CHD6: variants seen among roughly 807,000 people sequenced by gnomAD.
The protein encoded by CHD6 is chromodomain helicase DNA binding protein 6.
In CHD6, 50 loss-of-function variants were observed where a neutral mutation model predicts 276.9. The observed-to-expected ratio is 0.18, with a 90% CI of 0.14 to 0.23. CHD6 has a LOEUF of 0.23. Ranked by LOEUF, CHD6 falls within the 10% of genes least tolerant of loss-of-function variation. CHD6 has a pLI of 1.00. For synonymous variants in CHD6, 1,173 were observed against 1,229.3 expected (o/e 0.95, Z 0.96); for missense variants, 2,564 against 3,365.8 (o/e 0.76, Z 5.89).
At chr20:41,532,887 C>T (rs1446874036) in intron 3 of CHD6, among the ~76,000 whole-genome samples, 163 bp downstream of exon 3, 2 of 152,256 alleles carry the variant, frequency 1.3e-5, no homozygotes, top group African/African-American at 4.8e-5. Flanking sequence ...CTTGCATTAG[C>T]ACCAAGGGGT....
At chr20:41,411,952 G>C (rs1017515762) in intron 36 of CHD6, among the ~76,000 whole-genome samples, 192 bp downstream of exon 36, 1 of 152,224 alleles carries the variant, frequency 6.6e-6, no homozygotes, top group Non-Finnish European at 1.5e-5. Flanking sequence ...ACCACTGGGA[G>C]TCACAGAGCG....
rs780483989 is a variant in CHD6, at chr20:41,484,411, T to C, written c.2198A>G (p.Asn733Ser). Residue 733 changes from asparagine to serine, a missense_variant, in exon 15 of 37, where the codon AAT (asparagine) becomes AGT (serine). Coordinates refer to ENST00000373233, the MANE Select transcript of CHD6 (RefSeq NM_032221.5). The part of the protein sequence containing the change: ...TKGANQHNMP[N>S]LINTMMELRK... ...CAGCTCCATCATGGTGTTGATGAGA[T>C]TGGGCATGTTGTGCTGATTTGCCCC... The C allele has an allele frequency of 1.2e-6, 2 of 1,613,900 alleles. No individual in the cohort carries two copies. Among genetic ancestry groups the C allele is most frequent in the Non-Finnish European group, 1.7e-6 (2 of 1,179,834 alleles).
At chr20:41,614,009 TAA>T (rs59802909) in intron 1 of CHD6, among the ~76,000 whole-genome samples, 7 of 131,124 alleles carry the variant, frequency 5.3e-5, no homozygotes, top group Admixed American at 1.5e-4. Context: ...TCTTAGAGTA[TAA>T]AAAAAAAAAA....
intron 5 of CHD6, among the ~76,000 whole-genome samples, chr20:41,509,099 TA>T (rs1402832661): frequency 2.0e-5 from 3 of 152,112 alleles, no homozygotes; most frequent in Admixed American, 1.3e-4. Flanking sequence ...GCAATCTGAT[TA>T]GGGGAACAAT....
In CHD6 at chr20:41,457,357, G is replaced by A. The variant is rs1342718269; in HGVS notation, c.2736C>T (p.Ser912=). The change falls in exon 18 of 37, where the codon TCC becomes TCT. Residue 912 remains serine (S), a synonymous_variant. Transcript: ENST00000373233. ...VKVYRLITRN[S]YEREMFDKAS... ...CCTTGTCAAACATCTCGCGCTCGTA[G>A]GAATTTCGAGTGATGAGGCGATACA... The A allele has an allele frequency of 1.9e-6, 3 of 1,614,130 alleles. No homozygotes were observed. The highest frequency in any genetic ancestry group is 2.5e-6 in the Non-Finnish European group (3 of 1,180,000).
rs770459137 is a variant in CHD6 at position 41,405,160 on chromosome 20, A to G, written c.7581T>C (p.Ala2527=). The G allele has an allele frequency of 1.9e-6, 3 of 1,614,102 alleles. No homozygotes were observed. Among genetic ancestry groups the G allele is most frequent in the Non-Finnish European group, 2.5e-6 (3 of 1,180,036 alleles). The change falls in exon 37 of 37, where the codon GCT becomes GCC. Residue 2527 remains alanine, a synonymous_variant. Transcript: ENST00000373233. ...CCCCAACACCAAACATCTGGGGCAC[A>G]GCAGCCATGCCTGGCAGCATCATGG... ...MLPMMLPGMA[A]VPQMFGVGGL...
chr20:41,412,749 C>A (rs1370893164), intron 35 of CHD6, among the ~76,000 whole-genome samples: 2 of 152,000 alleles, frequency 1.3e-5, no homozygotes, highest in African/African-American at 4.8e-5. Flanking sequence ...AAGAGAAAAA[C>A]CAAAAAAGAC....
intron 25 of CHD6, among the ~76,000 whole-genome samples, chr20:41,444,544 T>C (rs1399981000): frequency 6.6e-6 from 1 of 152,232 alleles, no homozygotes; most frequent in African/African-American, 2.4e-5. Context: ...TCAATACCAG[T>C]ATCCAAGTTT....
At chr20:41,432,177 A>AAAAAAAAG (rs1600843888) in intron 27 of CHD6, among the ~76,000 whole-genome samples, 1 of 151,702 alleles carries the variant, frequency 6.6e-6, no homozygotes, top group African/African-American at 2.4e-5. Flanking sequence ...AAAAAAAAAA[A>AAAAAAAAG]AAGAAGCGAG....
At chr20:41,601,208 A>C (rs1256146719) in intron 1 of CHD6, among the ~76,000 whole-genome samples, 3 of 152,142 alleles carry the variant, frequency 2.0e-5, no homozygotes, top group Non-Finnish European at 4.4e-5. Flanking sequence ...ACTTTGGTTC[A>C]CTTCAATTTA....
intron 25 of CHD6, among the ~76,000 whole-genome samples, chr20:41,443,704 T>C (rs950999068): frequency 1.3e-5 from 2 of 152,238 alleles, no homozygotes; most frequent in African/African-American, 2.4e-5. Flanking sequence ...TTAGCTCTGC[T>C]TTCTTGGACC....
intron 4 of CHD6, among the ~76,000 whole-genome samples, 172 bp downstream of exon 4, chr20:41,514,633 C>T (rs946347896): frequency 3.3e-5 from 5 of 152,140 alleles, no homozygotes; most frequent in Admixed American, 2.0e-4. Flanking sequence ...GTATACTGAT[C>T]GGGCTAGGGC....
chr20:41,416,473 C>CAAAA, intron 33 of CHD6, 115 bp downstream of exon 33: 1 of 941,350 alleles, frequency 1.1e-6, no homozygotes, highest in East Asian at 2.5e-5. Flanking sequence ...AATGGCTTGG[C>CAAAA]AAAAAAAAAC....
chr20:41,528,922 C>T (rs1240452670), intron 3 of CHD6, among the ~76,000 whole-genome samples: 34 of 152,148 alleles, frequency 2.2e-4, no homozygotes, highest in Admixed American at 2.0e-3. Flanking sequence ...TGAAAGGATA[C>T]CATGGAGTAT....
At chr20:41,610,244 A>G (rs565277661) in intron 1 of CHD6, among the ~76,000 whole-genome samples, 6 of 152,228 alleles carry the variant, frequency 3.9e-5, no homozygotes, top group African/African-American at 1.2e-4. Flanking sequence ...ATATACTACA[A>G]TCAATCTTAT....
At chr20:41,483,639 T>A in intron 15 of CHD6, 120 bp from the exon 16 acceptor site, 1 of 705,080 alleles carries the variant, frequency 1.4e-6, no homozygotes, top group South Asian at 1.9e-5. Context: ...AGCAGTCCAG[T>A]GAGGAGATGC....
chr20:41,418,652 G>A (rs941646066), intron 31 of CHD6, among the ~76,000 whole-genome samples: 2 of 152,038 alleles, frequency 1.3e-5, no homozygotes, highest in African/African-American at 4.8e-5. Flanking sequence ...CAGGAGACCT[G>A]GGGGCTGGCC....
chr20:41,410,545 A>G (rs2046811425), intron 36 of CHD6, among the ~76,000 whole-genome samples: 1 of 152,216 alleles, frequency 6.6e-6, no homozygotes, highest in Admixed American at 6.5e-5. Context: ...GAGCTGCAGG[A>G]GATACACGGG....
At chr20:41,434,517 T>G (rs1459141183) in intron 27 of CHD6, among the ~76,000 whole-genome samples, 1 of 152,124 alleles carries the variant, frequency 6.6e-6, no homozygotes, top group Non-Finnish European at 1.5e-5. Flanking sequence ...ATTACAGGCA[T>G]GCACCACCAC....
Sources: allele counts gnomAD v4.1 joint callset (sites outside exome capture counted in the v4.1 genomes callset), GRCh38; gene constraint gnomAD v4.1.1; transcripts MANE v1.5; gene names NCBI Gene and HGNC (gene_info 2026-07-23, HGNC 2026-07-21).